SUPT3H: variants seen among roughly 807,000 people sequenced by gnomAD.
SUPT3H encodes transcription initiation protein SPT3 homolog.
A neutral mutation model predicts 44.3 loss-of-function variants in SUPT3H; 44 were observed. The observed-to-expected ratio is 0.99, with a 90% confidence interval of 0.78 to 1.28. SUPT3H has a LOEUF of 1.28. Among genes scored for constraint, SUPT3H ranks in the 50% most tolerant of loss-of-function variants. SUPT3H has a pLI of 0.00. For missense variants in SUPT3H, 380 were observed against 387.1 expected, an observed-to-expected ratio of 0.98 and a Z score of 0.15; for synonymous variants, 124 against 125.6, an observed-to-expected ratio of 0.99 and a Z score of 0.09.
chr6:45,339,595 T>C (rs973679762), intron 2 of SUPT3H, among the ~76,000 whole-genome samples: 2 of 151,972 alleles, frequency 1.3e-5, no homozygotes, highest in African/African-American at 4.8e-5. Flanking sequence ...TAACAAGCTA[T>C]ATTAATAAGG....
chr6:45,128,537 T>A (rs1474036628), intron 2 of SUPT3H, among the ~76,000 whole-genome samples: 184 of 45,002 alleles, frequency 4.1e-3, no homozygotes, highest in African/African-American at 0.01. Flanking sequence ...AAAAAAAATA[T>A]ATATATATAT....
chr6:45,074,619 C>T (rs1794779466), intron 3 of SUPT3H, among the ~76,000 whole-genome samples: 1 of 151,932 alleles, frequency 6.6e-6, no homozygotes, highest in Non-Finnish European at 1.5e-5. Context: ...TACATGACAT[C>T]CAAGAACAGA....
In SUPT3H at chr6:44,828,678, G is replaced by A. The variant is rs985004055; in HGVS notation, c.*1138C>T. On this transcript the variant is annotated 3_prime_UTR_variant, in exon 11 of 11. Coordinates refer to ENST00000371459, the MANE Select transcript of SUPT3H (RefSeq NM_003599.4). ...AAATCTAGGAAGCAGTATCAAGAGA[G>A]GCTTGCTCTCTTGAGCAGTATCAAG... The A allele has an allele frequency of 6.6e-6, 1 of 152,060 alleles. No individual in the cohort carries two copies. The highest frequency in any genetic ancestry group is 1.5e-5 in the Non-Finnish European group (1 of 67,988). 9.4% of individuals were successfully genotyped at this position (152,060 alleles called of 1,614,324 possible). A position where few individuals can be genotyped will look rare whatever the true frequency, so the allele number is the denominator to read the frequency against.
At chr6:45,114,489 A>G (rs1267995105) in intron 2 of SUPT3H, among the ~76,000 whole-genome samples, 7 of 152,150 alleles carry the variant, frequency 4.6e-5, no homozygotes, top group Non-Finnish European at 1.0e-4. Context: ...GAAAAAATAT[A>G]TAAATCAGAA....
At chr6:45,351,211 C>T (rs116376105) in intron 2 of SUPT3H, among the ~76,000 whole-genome samples, 178 of 152,162 alleles carry the variant, frequency 1.2e-3, no homozygotes, top group African/African-American at 4.0e-3. Context: ...AAAAATTATG[C>T]TCTAAATTAG....
At chr6:44,876,875 CATT>C (rs1262716686) in intron 10 of SUPT3H, among the ~76,000 whole-genome samples, 2 of 140,004 alleles carry the variant, frequency 1.4e-5, no homozygotes, top group African/African-American at 2.6e-5. Flanking sequence ...AAGTGTATGA[CATT>C]GTATGAAAAT....
At chr6:44,864,591 A>G (rs1216645379) in intron 10 of SUPT3H, among the ~76,000 whole-genome samples, 1 of 152,206 alleles carries the variant, frequency 6.6e-6, no homozygotes, top group Non-Finnish European at 1.5e-5. Context: ...TGGCAGGCTC[A>G]ACACCACGTG....
intron 3 of SUPT3H, among the ~76,000 whole-genome samples, chr6:45,051,263 A>G (rs1304913912): frequency 6.6e-6 from 1 of 152,084 alleles, no homozygotes; most frequent in Non-Finnish European, 1.5e-5. Flanking sequence ...GGGAGGGAAG[A>G]CAGGTATGTG....
intron 10 of SUPT3H, among the ~76,000 whole-genome samples, chr6:44,901,247 C>T (rs770503873): frequency 3.9e-5 from 6 of 152,048 alleles, no homozygotes; most frequent in Non-Finnish European, 7.4e-5. Flanking sequence ...GAAGTTCGAA[C>T]CCATGGCAAA....
chr6:45,308,522 A>G (rs897502131), intron 2 of SUPT3H, among the ~76,000 whole-genome samples: 2 of 152,154 alleles, frequency 1.3e-5, no homozygotes, highest in African/African-American at 4.8e-5. Flanking sequence ...GAGAAATAAA[A>G]TACTTCACAG....
intron 6 of SUPT3H, among the ~76,000 whole-genome samples, chr6:44,987,127 T>C (rs183544531): frequency 0.018 from 2,675 of 152,234 alleles, 50 homozygotes; most frequent in South Asian, 0.086. Flanking sequence ...TGTCCTCACA[T>C]GGCAGAGATC....
chr6:45,333,881 A>G (rs535087696), intron 2 of SUPT3H, among the ~76,000 whole-genome samples: 1 of 151,458 alleles, frequency 6.6e-6, no homozygotes, highest in South Asian at 2.1e-4. Context: ...TAAATAAAAG[A>G]TAAATGTTTA....
intron 2 of SUPT3H, among the ~76,000 whole-genome samples, chr6:45,313,199 A>G (rs1389753392): frequency 1.3e-5 from 2 of 152,170 alleles, no homozygotes; most frequent in Non-Finnish European, 2.9e-5. Context: ...AAAGAGCACA[A>G]ACAGACAATC....
At chr6:44,889,619 G>C (rs191856568) in intron 10 of SUPT3H, among the ~76,000 whole-genome samples, 2 of 152,198 alleles carry the variant, frequency 1.3e-5, no homozygotes, top group South Asian at 2.1e-4. Flanking sequence ...ATTCAAGATG[G>C]ATTAAAGACT....
At chr6:45,178,107 T>A (rs1812346856) in intron 2 of SUPT3H, among the ~76,000 whole-genome samples, 2 of 152,022 alleles carry the variant, frequency 1.3e-5, no homozygotes, top group Admixed American at 6.6e-5. Context: ...ATGCTCCAAT[T>A]AGAAGACACA....
intron 2 of SUPT3H, among the ~76,000 whole-genome samples, chr6:45,218,229 A>G (rs890071333): frequency 6.6e-6 from 1 of 152,316 alleles, no homozygotes; most frequent in Non-Finnish European, 1.5e-5. Flanking sequence ...GGTGAATTTC[A>G]GAGCAAAGAA....
intron 3 of SUPT3H, among the ~76,000 whole-genome samples, chr6:45,021,088 C>T (rs1480807323): frequency 1.3e-5 from 2 of 151,810 alleles, no homozygotes; most frequent in African/African-American, 4.8e-5. Flanking sequence ...GTAGCTGTTT[C>T]TAATATCCAA....
intron 10 of SUPT3H, among the ~76,000 whole-genome samples, chr6:44,863,602 G>GT (rs1399573659): frequency 6.6e-6 from 1 of 152,094 alleles, no homozygotes; most frequent in East Asian, 1.9e-4. Context: ...CAGGATAGAG[G>GT]TCAGGGTGGC....
intron 9 of SUPT3H, among the ~76,000 whole-genome samples, chr6:44,947,644 T>TA (rs920697125): frequency 6.6e-6 from 1 of 152,032 alleles, no homozygotes; most frequent in African/African-American, 2.4e-5. Flanking sequence ...ATATTAAGCT[T>TA]AAAAAATAAC....
Sources: allele counts gnomAD v4.1 joint callset (sites outside exome capture counted in the v4.1 genomes callset), GRCh38; gene constraint gnomAD v4.1.1; transcripts MANE v1.5; gene names NCBI Gene and HGNC (gene_info 2026-07-23, HGNC 2026-07-21).